The following ATP9B variants were observed in gnomAD, a reference collection of about 807,000 sequenced individuals.
ATP9B encodes ATPase phospholipid transporting 9B, also known as probable phospholipid-transporting ATPase IIB.
A neutral mutation model predicts 146.1 loss-of-function variants in ATP9B; 110 were observed. The ratio of observed to expected loss-of-function variants is 0.75; its 90% confidence interval spans 0.65 to 0.88. The LOEUF (loss-of-function observed/expected upper bound fraction) is 0.88, where lower values mean the gene tolerates loss of function less well. Ranked by LOEUF, ATP9B falls within the 40% of genes least tolerant of loss-of-function variation. The pLI, the probability that ATP9B is intolerant of heterozygous loss-of-function variation, is 0.00. For synonymous variants in ATP9B, 604 were observed against 569.7 expected, an observed-to-expected ratio of 1.06 and a Z score of -0.86; for missense variants, 1,499 against 1,496.4, an observed-to-expected ratio of 1.00 and a Z score of -0.03.
chr18:79,227,605 G>A (rs1050997466), intron 11 of ATP9B, among the ~76,000 whole-genome samples: 2 of 152,116 alleles, frequency 1.3e-5, no homozygotes, highest in South Asian at 2.1e-4. Context: ...AGTGAGAAAC[G>A]GATTTATCAT....
chr18:79,245,805 G>T lies in ATP9B; in HGVS notation c.1108-7576G>T, dbSNP rs115746159. Among the ~76,000 whole-genome samples the T allele has an allele frequency of 9.7e-3, 1,394 of 143,070 alleles. 50 individuals are homozygous for T. The highest frequency in any genetic ancestry group is 0.036 in the African/African-American group (1,332 of 37,050). The allele number at this position is 143,070 out of a possible 152,430, so 93.9% of individuals were successfully genotyped here. The stretch of plus-strand genomic sequence containing the variant: ...GGGCACCACCCTACTGACTGAGGAG[G>T]GTACCACCCTACTGACTGAGGAGGG... On this transcript the variant is annotated intron_variant, in intron 11 of 29. Coordinates refer to ENST00000426216, the MANE Select transcript of ATP9B (RefSeq NM_198531.5).
intron 15 of ATP9B, among the ~76,000 whole-genome samples, chr18:79,326,913 A>AT (rs1318048465): frequency 4.6e-5 from 7 of 151,564 alleles, no homozygotes; most frequent in Non-Finnish European, 1.5e-5. Context: ...CTCACACCTC[A>AT]TTTCTCGAAT....
intron 5 of ATP9B, among the ~76,000 whole-genome samples, chr18:79,140,651 G>A (rs1387281480): frequency 6.6e-6 from 1 of 152,098 alleles, no homozygotes; most frequent in Admixed American, 6.5e-5. Flanking sequence ...CATGGTGGCG[G>A]GTGCTTGTAA....
intron 11 of ATP9B, among the ~76,000 whole-genome samples, chr18:79,229,134 G>A (rs1325163143): frequency 6.6e-6 from 1 of 152,212 alleles, no homozygotes; most frequent in African/African-American, 2.4e-5. Context: ...TGGTGCTGAT[G>A]TGAAATATAA....
At chr18:79,088,474 T>C (rs1430997262) in intron 1 of ATP9B, among the ~76,000 whole-genome samples, 1 of 152,232 alleles carries the variant, frequency 6.6e-6, no homozygotes, top group East Asian at 1.9e-4. Context: ...TCATAGATCA[T>C]GTAATTTTTT....
intron 15 of ATP9B, among the ~76,000 whole-genome samples, chr18:79,325,701 G>A (rs1480747009): frequency 6.6e-6 from 1 of 152,062 alleles, no homozygotes; most frequent in East Asian, 1.9e-4. Context: ...TGAAAAGGAG[G>A]GACAGGTGCC....
chr18:79,197,601 AG>A (rs934625715), intron 9 of ATP9B, among the ~76,000 whole-genome samples: 3 of 152,166 alleles, frequency 2.0e-5, no homozygotes, highest in African/African-American at 7.2e-5. Flanking sequence ...TGATAAGTAA[AG>A]GTTGCATATA....
chr18:79,267,946 C>T (rs1426000796), intron 12 of ATP9B, among the ~76,000 whole-genome samples: 1 of 151,984 alleles, frequency 6.6e-6, no homozygotes, highest in Non-Finnish European at 1.5e-5. Flanking sequence ...TTGTCAAAAT[C>T]TCTCATCATT....
intron 19 of ATP9B, among the ~76,000 whole-genome samples, chr18:79,339,264 C>CACAGTAGGAAGTGTGTCATGATG: frequency 6.6e-6 from 1 of 151,382 alleles, no homozygotes; most frequent in African/African-American, 2.4e-5. Flanking sequence ...ATGTCATGAT[C>CACAGTAGGAAGTGTGTCATGATG]ACAGTAGGAA....
At chr18:79,321,143 A>G (rs1254265404) in intron 15 of ATP9B, among the ~76,000 whole-genome samples, 3 of 152,220 alleles carry the variant, frequency 2.0e-5, no homozygotes, top group Non-Finnish European at 4.4e-5. Context: ...CACCTAGTCA[A>G]ATCCCCACAC....
chr18:79,331,358 T>C (rs1167817903), intron 17 of ATP9B, among the ~76,000 whole-genome samples: 1 of 152,242 alleles, frequency 6.6e-6, no homozygotes, highest in Non-Finnish European at 1.5e-5. Context: ...TAAAAATTAC[T>C]TTTGGTCATA....
chr18:79,253,173 T>G (rs1308915635), intron 11 of ATP9B, among the ~76,000 whole-genome samples: 1 of 152,240 alleles, frequency 6.6e-6, no homozygotes, highest in Non-Finnish European at 1.5e-5. Context: ...TGGCCCGTGT[T>G]TTGTCAGTAG....
At chr18:79,211,197 G>A (rs2095581117) in intron 10 of ATP9B, among the ~76,000 whole-genome samples, 2 of 152,172 alleles carry the variant, frequency 1.3e-5, no homozygotes, top group African/African-American at 4.8e-5. Context: ...ATAAAGGAGA[G>A]TATATTTTTC....
chr18:79,162,852 C>T (rs186246454), intron 7 of ATP9B, among the ~76,000 whole-genome samples: 1 of 152,250 alleles, frequency 6.6e-6, no homozygotes, highest in African/African-American at 2.4e-5. Flanking sequence ...TACAGGGTAA[C>T]TTATTATGCG....
chr18:79,227,371 C>T (rs763757462), intron 11 of ATP9B, among the ~76,000 whole-genome samples: 49 of 120,210 alleles, frequency 4.1e-4, no homozygotes, highest in Middle Eastern at 6.0e-3. Context: ...AGAGTCAGGC[C>T]GCGTGTGTGT....
rs1441825738 is a variant in ATP9B, at chr18:79,377,173, G to T, written c.3308-74G>T. 12 of 1,568,950 alleles carry T rather than the reference G, an allele frequency of 7.6e-6. No homozygotes were observed. In the South Asian group the frequency reaches 1.1e-4, roughly 15 times the overall value. ...TTAGACCGTCTGGTGGCCTGGCCAGGTCTGTGGCTGTGGCCATGAGGGCCC... is the reference window on the plus strand; with the variant it reads ...TTAGACCGTCTGGTGGCCTGGCCAGTTCTGTGGCTGTGGCCATGAGGGCCC... On this transcript the variant is annotated intron_variant, in intron 29 of 29. Coordinates refer to ENST00000426216, the MANE Select transcript of ATP9B (RefSeq NM_198531.5).
At chr18:79,331,864 A>G (rs1294738952) in intron 17 of ATP9B, among the ~76,000 whole-genome samples, 1 of 152,164 alleles carries the variant, frequency 6.6e-6, no homozygotes, top group East Asian at 1.9e-4. Context: ...CTTCCCTCTA[A>G]ACACAAACCT....
At chr18:79,133,470 T>C (rs944874310) in intron 5 of ATP9B, among the ~76,000 whole-genome samples, 5 of 151,954 alleles carry the variant, frequency 3.3e-5, no homozygotes, top group Non-Finnish European at 5.9e-5. Context: ...AAGGTAGATA[T>C]ACTCAGATGT....
intron 15 of ATP9B, among the ~76,000 whole-genome samples, chr18:79,311,600 A>G (rs1474055035): frequency 6.6e-6 from 1 of 152,220 alleles, no homozygotes; most frequent in Non-Finnish European, 1.5e-5. Flanking sequence ...AACTTACTCT[A>G]ACCAAAATAT....
Sources: gnomAD v4.1 joint callset for allele counts (sites outside exome capture counted in the v4.1 genomes callset) on GRCh38, gnomAD v4.1.1 for gene constraint, MANE v1.5 for transcripts, NCBI Gene and HGNC (gene_info 2026-07-23, HGNC 2026-07-21) for gene names.